Variants in SNTG1 observed in about 807,000 individuals in gnomAD.
SNTG1 encodes the protein syntrophin gamma 1.
SNTG1 carries 39 observed loss-of-function variants against 74.7 expected under a neutral mutation model. The observed-to-expected ratio is 0.52, with a 90% CI of 0.40 to 0.68. The LOEUF is 0.68. SNTG1 is among the 30% of genes least tolerant of loss of function. The probability of loss-of-function intolerance (pLI) is 0.00; values close to 1 mark genes in which losing one functional copy is unlikely to be tolerated. For synonymous variants in SNTG1, 254 were observed against 217.1 expected, an observed-to-expected ratio of 1.17 and a Z score of -1.49; for missense variants, 685 against 609.5, an observed-to-expected ratio of 1.12 and a Z score of -1.30.
At chr8:50,674,517 A>G (rs2131361652) in intron 15 of SNTG1, among the ~76,000 whole-genome samples, 1 of 151,948 alleles carries the variant, frequency 6.6e-6, no homozygotes. Flanking sequence ...GTCAGTAGTG[A>G]TATCCCCTTT....
intron 5 of SNTG1, among the ~76,000 whole-genome samples, chr8:50,445,722 T>C (rs2093400584): frequency 6.6e-6 from 1 of 152,196 alleles, no homozygotes; most frequent in Non-Finnish European, 1.5e-5. Context: ...AATGCTCAGT[T>C]AATTCAAGCA....
At chr8:50,558,330 C>T (rs1372751383) in intron 12 of SNTG1, among the ~76,000 whole-genome samples, 2 of 152,140 alleles carry the variant, frequency 1.3e-5, no homozygotes, top group Non-Finnish European at 1.5e-5. Flanking sequence ...GCTGTTGGCT[C>T]GCAGAGGCCT....
chr8:50,354,680 G>A (rs535048229), intron 2 of SNTG1, among the ~76,000 whole-genome samples: 1 of 152,188 alleles, frequency 6.6e-6, no homozygotes, highest in Admixed American at 6.5e-5. Flanking sequence ...CCACGTGTAA[G>A]GAGTCCAAGC....
intron 5 of SNTG1, among the ~76,000 whole-genome samples, chr8:50,447,965 T>G (rs1040723242): frequency 2.6e-5 from 4 of 152,204 alleles, no homozygotes; most frequent in African/African-American, 9.7e-5. Flanking sequence ...TAGCCTTCCT[T>G]TATTCAGTGT....
rs2131860101 is a variant in SNTG1, at chr8:50,204,608, T to C, written c.-28+31973T>C. On this transcript the variant is annotated intron_variant, in intron 2 of 18. Transcript: ENST00000642720. ...ATTATACTTCAAGTTCTAGGGTACA[T>C]GTGCACAACATGCAGGTTTGTTACA... is the stretch of plus-strand genomic sequence containing the variant. Among the ~76,000 whole-genome samples, 2 of 152,318 alleles carry C rather than the reference T, an allele frequency of 1.3e-5. 1 individual carries two copies. Among genetic ancestry groups the C allele is most frequent in the South Asian group, 4.1e-4 (2 of 4,820 alleles).
chr8:50,531,735 C>T (rs1026107981), intron 10 of SNTG1, among the ~76,000 whole-genome samples: 4 of 152,144 alleles, frequency 2.6e-5, no homozygotes, highest in Non-Finnish European at 5.9e-5. Flanking sequence ...GCCCCCTCCA[C>T]GTGTCCCTCA....
At chr8:50,202,542 A>G (rs2084027997) in intron 2 of SNTG1, among the ~76,000 whole-genome samples, 1 of 151,998 alleles carries the variant, frequency 6.6e-6, no homozygotes, top group Non-Finnish European at 1.5e-5. Flanking sequence ...TCTTTTTACT[A>G]CTGAATACTG....
At chr8:50,037,111 T>A (rs566023025) in intron 1 of SNTG1, among the ~76,000 whole-genome samples, 1 of 152,374 alleles carries the variant, frequency 6.6e-6, no homozygotes, top group East Asian at 1.9e-4. Flanking sequence ...GTGTGACAAC[T>A]GGCTTGCACA....
At chr8:50,220,395 G>C (rs751842797) in intron 2 of SNTG1, among the ~76,000 whole-genome samples, 3 of 152,108 alleles carry the variant, frequency 2.0e-5, no homozygotes, top group African/African-American at 7.2e-5. Flanking sequence ...CAGGGATTAT[G>C]AGAACAAAGA....
intron 13 of SNTG1, among the ~76,000 whole-genome samples, chr8:50,613,143 A>C (rs1156570624): frequency 1.3e-5 from 2 of 152,186 alleles, no homozygotes; most frequent in South Asian, 4.1e-4. Context: ...GTTTATGGTG[A>C]GTCTCCCTTT....
intron 8 of SNTG1, among the ~76,000 whole-genome samples, chr8:50,501,385 T>G (rs1338472641): frequency 6.6e-6 from 1 of 150,692 alleles, no homozygotes; most frequent in Non-Finnish European, 1.5e-5. Flanking sequence ...TGTTTACAGT[T>G]GTACTTCTTG....
intron 1 of SNTG1, among the ~76,000 whole-genome samples, chr8:50,162,768 TGATTATGCAGTGAC>T (rs1271687331): frequency 6.6e-6 from 1 of 152,058 alleles, no homozygotes; most frequent in Non-Finnish European, 1.5e-5. Context: ...CCATTCCTCA[TGATTATGCAGTGAC>T]GTGTTCTGCT....
chr8:50,250,787 C>T (rs544294876), intron 2 of SNTG1, among the ~76,000 whole-genome samples: 13 of 152,110 alleles, frequency 8.5e-5, no homozygotes, highest in African/African-American at 2.9e-4. Context: ...TAAAGACCTT[C>T]GCAGACAAGC....
At chr8:50,199,373 A>G (rs2083900515) in intron 2 of SNTG1, among the ~76,000 whole-genome samples, 1 of 151,870 alleles carries the variant, frequency 6.6e-6, no homozygotes, top group Non-Finnish European at 1.5e-5. Flanking sequence ...GCCCACCACT[A>G]CACCTGGCTA....
chr8:50,658,196 T>C (rs1435138297), intron 14 of SNTG1, among the ~76,000 whole-genome samples: 1 of 152,146 alleles, frequency 6.6e-6, no homozygotes, highest in Non-Finnish European at 1.5e-5. Context: ...ATATAAATGA[T>C]GTATATTTAA....
chr8:50,304,998 G>A (rs1312088802), intron 2 of SNTG1, among the ~76,000 whole-genome samples: 1 of 152,024 alleles, frequency 6.6e-6, no homozygotes, highest in Admixed American at 6.6e-5. Flanking sequence ...CACCTCCCAG[G>A]TTCAAGCGAT....
At chr8:50,465,342 C>G (rs1282882828) in intron 8 of SNTG1, among the ~76,000 whole-genome samples, 1 of 152,164 alleles carries the variant, frequency 6.6e-6, no homozygotes, top group Non-Finnish European at 1.5e-5. Context: ...CAGTCCCTTT[C>G]CCCTTTGTCT....
At chr8:50,458,274 T>C (rs1449333787) in intron 8 of SNTG1, 1 of 151,482 alleles carries the variant, frequency 6.6e-6, no homozygotes, top group Non-Finnish European at 1.5e-5. Flanking sequence ...TATTTTCAGA[T>C]AGATGGTGAA....
At chr8:50,654,787 C>T (rs531810257) in intron 13 of SNTG1, among the ~76,000 whole-genome samples, 2 of 152,328 alleles carry the variant, frequency 1.3e-5, no homozygotes, top group East Asian at 1.9e-4. Context: ...TTTTCTGGAT[C>T]ATCTCAATGG....
Sources: gnomAD v4.1 joint callset for allele counts (sites outside exome capture counted in the v4.1 genomes callset) on GRCh38, gnomAD v4.1.1 for gene constraint, MANE v1.5 for transcripts, NCBI Gene and HGNC (gene_info 2026-07-23, HGNC 2026-07-21) for gene names.